GOLM1: variants seen among roughly 807,000 people sequenced by gnomAD.
GOLM1 encodes golgi membrane protein 1, also known as epididymis luminal protein 46.
Under a neutral mutation model 50.5 loss-of-function variants are expected in GOLM1, and 31 were observed. The observed-to-expected ratio is 0.61, with a 90% CI of 0.46 to 0.83. GOLM1 has a LOEUF of 0.83. Ranked by LOEUF, GOLM1 falls within the 40% of genes least tolerant of loss-of-function variation. The pLI is 0.00. For missense variants in GOLM1, 491 were observed against 501.3 expected (o/e 0.98, Z 0.20); for synonymous variants, 178 against 192.8 (o/e 0.92, Z 0.64).
chr9:86,027,532 A>G lies in GOLM1; in HGVS notation c.*285T>C, dbSNP rs1416819165. The G allele has an allele frequency of 2.5e-6, 3 of 1,214,214 alleles. No individual in the cohort carries two copies. The highest frequency in any genetic ancestry group is 3.2e-5 in the African/African-American group (2 of 63,130). The allele number at this position is 1,214,214 out of a possible 1,614,324, so 75.2% of individuals were successfully genotyped here. A position where few individuals can be genotyped will look rare whatever the true frequency, so the allele number is the denominator to read the frequency against. ...ATCAGGAAGCCCCGCTGTCGCCAAC[A>G]CTTGAAGGAGAACTATGTTCCAGTT... is the stretch of plus-strand genomic sequence containing the variant. On this transcript the variant is annotated 3_prime_UTR_variant, in exon 10 of 10. Coordinates refer to ENST00000388712, the MANE Select transcript of GOLM1 (RefSeq NM_016548.4).
intron 5 of GOLM1, among the ~76,000 whole-genome samples, chr9:86,045,507 G>C (rs1213333744): frequency 6.7e-6 from 1 of 149,266 alleles, no homozygotes; most frequent in African/African-American, 2.5e-5. Context: ...ACTCCATCTC[G>C]ACTAAAAAAA....
At chr9:86,053,523 ACCAC>A (rs1833854457) in intron 3 of GOLM1, among the ~76,000 whole-genome samples, 1 of 84,342 alleles carries the variant, frequency 1.2e-5, no homozygotes. Context: ...CACACAACAC[ACCAC>A]TCCACACCAA....
At chr9:86,035,032 G>A (rs984399222) in intron 8 of GOLM1, 58 of 985,122 alleles carry the variant, frequency 5.9e-5, no homozygotes, top group African/African-American at 8.7e-5. Flanking sequence ...ACTGCACGAC[G>A]GTGGACATAC....
At chr9:86,067,202 G>A (rs567329231) in intron 3 of GOLM1, among the ~76,000 whole-genome samples, 2 of 152,316 alleles carry the variant, frequency 1.3e-5, no homozygotes, top group South Asian at 2.1e-4. Context: ...TGGGATTACA[G>A]GTATCAGCCA....
Position 86,052,910 on chromosome 9 carries a change from G to A in GOLM1, c.310-319C>T, listed in dbSNP as rs2118732412. On this transcript the variant is annotated intron_variant, in intron 3 of 9. Transcript: ENST00000388712. ...CTTCCTCCTGCCCGACACAGCAGAG[G>A]CTCTGGGCACCCAGAGGGCTAATCA... is the stretch of plus-strand genomic sequence containing the variant. Among the ~76,000 whole-genome samples, 2 of 48,366 alleles carry A rather than the reference G, an allele frequency of 4.1e-5. 1 individual carries two copies. The highest frequency in any genetic ancestry group is 0.011 in the Middle Eastern group (2 of 174). 31.7% of individuals were successfully genotyped at this position (48,366 alleles called of 152,430 possible).
intron 1 of GOLM1, among the ~76,000 whole-genome samples, chr9:86,092,590 C>T (rs575084429): frequency 1.2e-4 from 18 of 152,350 alleles, no homozygotes; most frequent in Admixed American, 9.8e-4. Context: ...GCTGTCTAGA[C>T]AGCACTCTTA....
At chr9:86,031,346 C>A (rs1832974290) in intron 9 of GOLM1, among the ~76,000 whole-genome samples, 1 of 151,828 alleles carries the variant, frequency 6.6e-6, no homozygotes, top group Non-Finnish European at 1.5e-5. Flanking sequence ...AAAGCAGTTA[C>A]CCTCAGAGAA....
At position 86,053,114 on chromosome 9, in the gene GOLM1, ACAC is replaced by A. The variant is rs376296899; in HGVS notation, c.310-526_310-524del. ...ACCATGCCACAACTCCACACCACAC[ACAC>A]CACACCACACACCACACCAAACCAC... is the stretch of plus-strand genomic sequence containing the variant. On this transcript the variant is annotated intron_variant, in intron 3 of 9. Coordinates refer to ENST00000388712, the MANE Select transcript of GOLM1 (RefSeq NM_016548.4). Among the ~76,000 whole-genome samples the A allele has an allele frequency of 6.8e-3, 596 of 88,036 alleles. 5 individuals carry two copies. Among genetic ancestry groups the A allele is most frequent in the South Asian group, 0.058 (160 of 2,754 alleles). 57.8% of individuals were successfully genotyped at this position (88,036 alleles called of 152,430 possible).
At chr9:86,069,945 G>A (rs1834400363) in intron 3 of GOLM1, among the ~76,000 whole-genome samples, 1 of 151,940 alleles carries the variant, frequency 6.6e-6, no homozygotes, top group Admixed American at 6.5e-5. Flanking sequence ...GTGCAGTAGT[G>A]CAGTCCTGGC....
At chr9:86,067,170 C>T (rs773162544) in intron 3 of GOLM1, among the ~76,000 whole-genome samples, 15 of 152,204 alleles carry the variant, frequency 9.9e-5, no homozygotes, top group Non-Finnish European at 1.6e-4. Flanking sequence ...AGTGATCCAC[C>T]GGCCTTGGCC....
chr9:86,053,467 C>CAT, intron 3 of GOLM1, among the ~76,000 whole-genome samples: 1 of 150,856 alleles, frequency 6.6e-6, no homozygotes, highest in Non-Finnish European at 1.5e-5. Context: ...CATCACACCA[C>CAT]ACCACTCCAT....
rs57177942 is a variant in GOLM1 at position 86,053,681 on chromosome 9, T to A, written c.310-1090A>T. ...CACCACTCCACACACGGCACACCACTCCACACACACCACACACATCACATA... is the reference window on the plus strand; with the variant it reads ...CACCACTCCACACACGGCACACCACACCACACACACCACACACATCACATA... On this transcript the variant is annotated intron_variant, in intron 3 of 9. Coordinates refer to ENST00000388712, the MANE Select transcript of GOLM1 (RefSeq NM_016548.4). Among the ~76,000 whole-genome samples the A allele has an allele frequency of 3.7e-3, 66 of 17,764 alleles. 5 individuals are homozygous for A. Among genetic ancestry groups the A allele is most frequent in the Middle Eastern group, 0.071 (1 of 14 alleles). 11.7% of individuals were successfully genotyped at this position (17,764 alleles called of 152,430 possible).
In GOLM1 at chr9:86,052,710, G is replaced by A. The variant is rs890939957; in HGVS notation, c.310-119C>T. 9 of 818,916 alleles carry A rather than the reference G, an allele frequency of 1.1e-5. No individual in the cohort carries two copies. The East Asian group carries it at 1.5e-4, about 13-fold the overall frequency. 50.7% of individuals were successfully genotyped at this position (818,916 alleles called of 1,614,324 possible). ...ACCCAGCGCTGCTGTCAGGGAAGGA[G>A]CTCGCACTCAGCGCTCAGGCTGGGC... is the stretch of plus-strand genomic sequence containing the variant. On this transcript the variant is annotated intron_variant, in intron 3 of 9. Transcript: ENST00000388712.
At chr9:86,029,121 T>G (rs558849918) in intron 9 of GOLM1, among the ~76,000 whole-genome samples, 9 of 152,238 alleles carry the variant, frequency 5.9e-5, no homozygotes, top group African/African-American at 2.2e-4. Context: ...CCTCCCAAAG[T>G]GCTGGGATTA....
intron 9 of GOLM1, among the ~76,000 whole-genome samples, chr9:86,031,724 A>C (rs1174329532): frequency 1.3e-5 from 2 of 151,764 alleles, no homozygotes; most frequent in Non-Finnish European, 2.9e-5. Context: ...GGCCTCCCAA[A>C]GTGCTGGGTT....
intron 1 of GOLM1, among the ~76,000 whole-genome samples, chr9:86,088,958 T>G (rs560022538): frequency 6.6e-6 from 1 of 152,292 alleles, no homozygotes; most frequent in South Asian, 2.1e-4. Context: ...GCAGTCCTGG[T>G]GGTGACAAAA....
Position 86,040,733 on chromosome 9 carries a change from A to C in GOLM1, c.597+6T>G, listed in dbSNP as rs199837178. Reference sequence around the variant, plus strand: ...TAGAAACTCTTGGCAAAAATTCCCCAGTTACCTGCTGTCTCTGGTCGTTGT... The same window carrying C: ...TAGAAACTCTTGGCAAAAATTCCCCCGTTACCTGCTGTCTCTGGTCGTTGT... On this transcript the variant is annotated splice_donor_region_variant and intron_variant, in intron 6 of 9. Transcript: ENST00000388712. 171 of 1,606,308 alleles carry C rather than the reference A, an allele frequency of 1.1e-4. No homozygotes were observed. The Middle Eastern group carries it at 3.8e-3, about 36-fold the overall frequency.
At chr9:86,035,888 A>C (rs72746686) in intron 7 of GOLM1, among the ~76,000 whole-genome samples, 15,622 of 147,758 alleles carry the variant, frequency 0.11, 1,302 homozygotes, top group Middle Eastern at 0.18. Flanking sequence ...CAAAACAAAA[A>C]AAAAAAAACA....
chr9:86,096,232 T>C (rs1835352616), intron 1 of GOLM1, among the ~76,000 whole-genome samples: 1 of 149,842 alleles, frequency 6.7e-6, no homozygotes, highest in Non-Finnish European at 1.5e-5. Context: ...CACATGAAAA[T>C]TACATGAAAC....
Sources: allele counts gnomAD v4.1 joint callset (sites outside exome capture counted in the v4.1 genomes callset), GRCh38; gene constraint gnomAD v4.1.1; transcripts MANE v1.5; gene names NCBI Gene and HGNC (gene_info 2026-07-23, HGNC 2026-07-21).